The following PIK3R1 variants were observed in gnomAD, a reference collection of about 807,000 sequenced individuals.
PIK3R1 encodes phosphoinositide-3-kinase regulatory subunit 1, also known as phosphatidylinositol 3-kinase regulatory subunit alpha.
A neutral mutation model predicts 98.0 loss-of-function variants in PIK3R1; 29 were observed. The observed-to-expected ratio is 0.30, with a 90% confidence interval of 0.22 to 0.40. The LOEUF is 0.40. PIK3R1 is among the 10% of genes least tolerant of loss of function. The probability of loss-of-function intolerance (pLI) is 1.00; values close to 1 mark genes in which losing one functional copy is unlikely to be tolerated. For missense variants in PIK3R1, 596 were observed against 872.7 expected, an observed-to-expected ratio of 0.68 and a Z score of 3.99; for synonymous variants, 282 against 311.8, an observed-to-expected ratio of 0.90 and a Z score of 1.01.
In PIK3R1 at chr5:68,299,119, T is replaced by C. The variant is rs923352984; in HGVS notation, c.*1518T>C. On this transcript the variant is annotated 3_prime_UTR_variant, in exon 16 of 16. Coordinates refer to ENST00000521381, the MANE Select transcript of PIK3R1 (RefSeq NM_181523.3). ...TAGGAAGGAAGTGCCAAGTTTGTTTTTGGGTTCCTGGAACAGCGCTCACCT... is the reference window on the plus strand; with the variant it reads ...TAGGAAGGAAGTGCCAAGTTTGTTTCTGGGTTCCTGGAACAGCGCTCACCT... The C allele has an allele frequency of 2.6e-5, 6 of 233,520 alleles. No homozygotes were observed. Among genetic ancestry groups the C allele is most frequent in the African/African-American group, 1.1e-4 (5 of 45,340 alleles). 14.5% of individuals were successfully genotyped at this position (233,520 alleles called of 1,614,324 possible). A position where few individuals can be genotyped will look rare whatever the true frequency, so the allele number is the denominator to read the frequency against.
Position 68,298,972 on chromosome 5 carries a change from G to A in PIK3R1, c.*1371G>A. The A allele has an allele frequency of 1.3e-5, 3 of 233,530 alleles. No homozygotes were observed. Among genetic ancestry groups the A allele is most frequent in the Non-Finnish European group, 2.5e-5 (3 of 117,936 alleles). The allele number at this position is 233,530 out of a possible 1,614,324, so 14.5% of individuals were successfully genotyped here. On this transcript the variant is annotated 3_prime_UTR_variant, in exon 16 of 16. Coordinates refer to ENST00000521381, the MANE Select transcript of PIK3R1 (RefSeq NM_181523.3). Reference sequence around the variant, plus strand: ...TTACAGAGAAGTGAATAACTGCAAAGTGAAGTTGCTTCTTCTACTTCAGTC... The same window carrying A: ...TTACAGAGAAGTGAATAACTGCAAAATGAAGTTGCTTCTTCTACTTCAGTC...
In PIK3R1 at chr5:68,301,128, G is replaced by A. The variant is rs1391566873; in HGVS notation, c.*3527G>A. 1.3e-5 allele frequency: 3 copies of A among 227,494 alleles called. No individual in the cohort carries two copies. Among genetic ancestry groups the A allele is most frequent in the Non-Finnish European group, 1.7e-5 (2 of 114,426 alleles). The allele number at this position is 227,494 out of a possible 1,614,324, so 14.1% of individuals were successfully genotyped here. A position where few individuals can be genotyped will look rare whatever the true frequency, so the allele number is the denominator to read the frequency against. Reference sequence around the variant, plus strand: ...AACGCAGACACTGAGATCTGTTTGAGTTTAGGGTCATTTTTAGAAAGGGGC... The same window carrying A: ...AACGCAGACACTGAGATCTGTTTGAATTTAGGGTCATTTTTAGAAAGGGGC... On this transcript the variant is annotated 3_prime_UTR_variant, in exon 16 of 16. Coordinates refer to ENST00000521381, the MANE Select transcript of PIK3R1 (RefSeq NM_181523.3).
chr5:68,290,629 C>T, intron 7 of PIK3R1: 6 of 1,435,012 alleles, frequency 4.2e-6, no homozygotes, highest in East Asian at 2.5e-5. Context: ...GGTTTCAGTG[C>T]AGCCCCTTAT....
At position 68,289,759 on chromosome 5, in the gene PIK3R1, C is replaced by CAAAAAA. The variant is rs71305021; in HGVS notation, c.917-2478_917-2473dup. ...GGCATTTGAGATAGAGGGGGAAAAG[C>CAAAAAA]AAAAAAAAAAAAAAAAAAAAAAAAA... On this transcript the variant is annotated intron_variant, in intron 7 of 15. Coordinates refer to ENST00000521381, the MANE Select transcript of PIK3R1 (RefSeq NM_181523.3). 4.2e-3 allele frequency among the ~76,000 whole-genome samples: 216 copies of CAAAAAA among 51,882 alleles called. 35 individuals are homozygous for CAAAAAA. The highest frequency in any genetic ancestry group is 6.2e-3 in the Non-Finnish European group (165 of 26,486). 34.0% of individuals were successfully genotyped at this position (51,882 alleles called of 152,430 possible).
At position 68,253,801 on chromosome 5, in the gene PIK3R1, ATAAAT is replaced by A. The variant is rs556198834; in HGVS notation, c.335-19583_335-19579del. Among the ~76,000 whole-genome samples, 215 of 152,304 alleles carry A rather than the reference ATAAAT, an allele frequency of 1.4e-3. 1 individual carries two copies. Among genetic ancestry groups the A allele is most frequent in the African/African-American group, 4.8e-3 (200 of 41,554 alleles). ...ATTTGCCTTATTACAGTTCTTTATG[ATAAAT>A]TAAATGCATGCTTCATACATCCTTT... On this transcript the variant is annotated intron_variant, in intron 2 of 15. Transcript: ENST00000521381.
intron 4 of PIK3R1, among the ~76,000 whole-genome samples, chr5:68,276,076 T>G (rs1179048963): frequency 1.3e-5 from 2 of 152,218 alleles, no homozygotes. Flanking sequence ...AGTCCTTGAT[T>G]TTTTTCTCTT....
chr5:68,297,727 G>A lies in PIK3R1; in HGVS notation c.*126G>A, dbSNP rs1755318799. On this transcript the variant is annotated 3_prime_UTR_variant, in exon 16 of 16. Transcript: ENST00000521381. ...AACGAAGCCATCTTTCTTTGGATGG[G>A]ACTAGAGCTTTCTTTCACAAAAAAG... The A allele has an allele frequency of 1.9e-5, 14 of 747,816 alleles. No individual in the cohort carries two copies. The highest frequency in any genetic ancestry group is 3.1e-5 in the Non-Finnish European group (14 of 453,082). The allele number at this position is 747,816 out of a possible 1,614,324, so 46.3% of individuals were successfully genotyped here.
chr5:68,257,586 T>C (rs1394814952), intron 2 of PIK3R1, among the ~76,000 whole-genome samples: 1 of 152,252 alleles, frequency 6.6e-6, no homozygotes, highest in African/African-American at 2.4e-5. Flanking sequence ...TGGAAAGTTA[T>C]GTTTTCCTTC....
rs1407737225 is a variant in PIK3R1, at chr5:68,300,344, A to T, written c.*2743A>T. On this transcript the variant is annotated 3_prime_UTR_variant, in exon 16 of 16. Coordinates refer to ENST00000521381, the MANE Select transcript of PIK3R1 (RefSeq NM_181523.3). ...ATACTTTGCTAGCCGGCCACTTTGG[A>T]TTTCATCAGACAGTCCTAACAATAT... 4 of 232,930 alleles carry T rather than the reference A, an allele frequency of 1.7e-5. No individual in the cohort carries two copies. The highest frequency in any genetic ancestry group is 2.5e-5 in the Non-Finnish European group (3 of 117,920). The allele number at this position is 232,930 out of a possible 1,614,324, so 14.4% of individuals were successfully genotyped here. A position where few individuals can be genotyped will look rare whatever the true frequency, so the allele number is the denominator to read the frequency against.
Position 68,298,085 on chromosome 5 carries a change from G to A in PIK3R1, c.*484G>A, listed in dbSNP as rs777115457. ...TGTGCACGGTGGACCCAGACACATC[G>A]CACTGTGGATTATTTCATTTTGTAA... On this transcript the variant is annotated 3_prime_UTR_variant, in exon 16 of 16. Transcript: ENST00000521381. The A allele has an allele frequency of 3.5e-5, 8 of 230,812 alleles. No individual in the cohort carries two copies. Among genetic ancestry groups the A allele is most frequent in the Non-Finnish European group, 5.2e-5 (6 of 116,392 alleles). 14.3% of individuals were successfully genotyped at this position (230,812 alleles called of 1,614,324 possible).
At chr5:68,273,352 C>A in intron 2 of PIK3R1, 38 bp from the exon 3 acceptor site, 5 of 1,554,690 alleles carry the variant, frequency 3.2e-6, no homozygotes, top group Non-Finnish European at 4.4e-6. Flanking sequence ...ATTCAACTAT[C>A]CAAATTAAAT....
At chr5:68,295,525 TTTCTCATTTTAGGAAAATGCATG>T in intron 14 of PIK3R1, 37 bp downstream of exon 14, 6 of 1,573,576 alleles carry the variant, frequency 3.8e-6, no homozygotes, top group Non-Finnish European at 5.2e-6. Flanking sequence ...GCAGAAGATT[TTTCTCATTTTAGGAAAATGCATG>T]ACTTGCTTTG....
intron 2 of PIK3R1, among the ~76,000 whole-genome samples, chr5:68,267,222 T>A (rs1746158550): frequency 6.6e-6 from 1 of 152,256 alleles, no homozygotes; most frequent in Non-Finnish European, 1.5e-5. Context: ...TAGGCTAGCC[T>A]GTCAAAGATT....
rs780706346 is a variant in PIK3R1 at position 68,295,131 on chromosome 5, G to T, written c.1569-17G>T. On this transcript the variant is annotated splice_polypyrimidine_tract_variant and intron_variant, in intron 12 of 15. Coordinates refer to ENST00000521381, the MANE Select transcript of PIK3R1 (RefSeq NM_181523.3). ...GATGTACCCAGATAATAACAAATACGTTTCTTTTGCCTGCAGGATTATGCA... is the reference window on the plus strand; with the variant it reads ...GATGTACCCAGATAATAACAAATACTTTTCTTTTGCCTGCAGGATTATGCA... The T allele has an allele frequency of 3.1e-6, 5 of 1,608,508 alleles. No individual in the cohort carries two copies. The East Asian group carries it at 8.9e-5, about 29-fold the overall frequency.
At chr5:68,278,451 G>A (rs564329740) in intron 4 of PIK3R1, among the ~76,000 whole-genome samples, 1 of 152,220 alleles carries the variant, frequency 6.6e-6, no homozygotes, top group South Asian at 2.1e-4. Context: ...TCAAGTCTTA[G>A]GAAATCTGGG....
chr5:68,226,527 T>A lies in PIK3R1; in HGVS notation c.-149T>A. On this transcript the variant is annotated 5_prime_UTR_variant, in exon 2 of 16. Transcript: ENST00000521381. ...GCCGTATGGCCAGTCACCTCTCCTC[T>A]TAAACCTTTGGAGAGTGGTCCTTTG... The A allele has an allele frequency of 1.5e-6, 1 of 648,118 alleles. No individual in the cohort carries two copies. The highest frequency in any genetic ancestry group is 2.6e-6 in the Non-Finnish European group (1 of 379,762). 40.1% of individuals were successfully genotyped at this position (648,118 alleles called of 1,614,324 possible).
chr5:68,224,096 A>C (rs1241694208), intron 1 of PIK3R1, among the ~76,000 whole-genome samples: 1 of 152,236 alleles, frequency 6.6e-6, no homozygotes, highest in Non-Finnish European at 1.5e-5. Context: ...AAAGCTAACA[A>C]AAATTTCAAG....
chr5:68,232,681 T>G (rs1227620301), intron 2 of PIK3R1, among the ~76,000 whole-genome samples: 1 of 152,208 alleles, frequency 6.6e-6, no homozygotes, highest in Non-Finnish European at 1.5e-5. Flanking sequence ...ATCACAGGGT[T>G]ATGGTAGGCA....
At chr5:68,275,442 C>T (rs6894871) in intron 4 of PIK3R1, among the ~76,000 whole-genome samples, 75,315 of 151,454 alleles carry the variant, frequency 0.5, 20,967 homozygotes, top group African/African-American at 0.77. Context: ...CATCAGAGCC[C>T]GATGAAGTGG....
Sources: allele counts gnomAD v4.1 joint callset (sites outside exome capture counted in the v4.1 genomes callset), GRCh38; gene constraint gnomAD v4.1.1; transcripts MANE v1.5; gene names NCBI Gene and HGNC (gene_info 2026-07-23, HGNC 2026-07-21).